ARHGAP15: variants seen among roughly 807,000 people sequenced by gnomAD.
ARHGAP15 encodes rho GTPase-activating protein 15.
In ARHGAP15, 51 loss-of-function variants were observed where a neutral mutation model predicts 63.7. The ratio of observed to expected loss-of-function variants is 0.80; its 90% confidence interval spans 0.64 to 1.01. ARHGAP15 has a LOEUF of 1.01. Ranked by LOEUF, ARHGAP15 falls within the 50% of genes least tolerant of loss-of-function variation. The pLI, the probability that ARHGAP15 is intolerant of heterozygous loss-of-function variation, is 0.00. For synonymous variants in ARHGAP15, 191 were observed against 193.8 expected, an observed-to-expected ratio of 0.99 and a Z score of 0.12; for missense variants, 560 against 564.6, an observed-to-expected ratio of 0.99 and a Z score of 0.08.
At position 143,387,531 on chromosome 2, in the gene ARHGAP15, G is replaced by T. The variant is rs144628323; in HGVS notation, c.475-48070G>T. Reference sequence around the variant, plus strand: ...TACTCTTTTCAATTATTAGTCAACAGATTCACAAAATGAATTGGCATTGTA... The same window carrying T: ...TACTCTTTTCAATTATTAGTCAACATATTCACAAAATGAATTGGCATTGTA... On this transcript the variant is annotated intron_variant, in intron 6 of 13. Coordinates refer to ENST00000295095, the MANE Select transcript of ARHGAP15 (RefSeq NM_018460.4). 8.2e-4 allele frequency among the ~76,000 whole-genome samples: 125 copies of T among 152,276 alleles called. 2 individuals carry two copies. The highest frequency in any genetic ancestry group is 3.1e-3 in the Admixed American group (48 of 15,294).
intron 11 of ARHGAP15, among the ~76,000 whole-genome samples, chr2:143,615,398 A>T (rs16822733): frequency 0.011 from 1,749 of 152,298 alleles, 29 homozygotes; most frequent in African/African-American, 0.039. Flanking sequence ...AACCCTACAC[A>T]TATCACCAAC....
chr2:143,323,000 A>C (rs1409398618), intron 6 of ARHGAP15, among the ~76,000 whole-genome samples: 1 of 152,246 alleles, frequency 6.6e-6, no homozygotes, highest in Non-Finnish European at 1.5e-5. Flanking sequence ...TTGGTGCTGA[A>C]TAGTTAAAAG....
At chr2:143,418,898 C>T (rs1001163054) in intron 6 of ARHGAP15, among the ~76,000 whole-genome samples, 1 of 152,046 alleles carries the variant, frequency 6.6e-6, no homozygotes, top group South Asian at 2.1e-4. Context: ...CTTCTTGTAT[C>T]GAAGATTTGC....
chr2:143,330,124 AAAAAAAACC>A (rs1558897987), intron 6 of ARHGAP15, among the ~76,000 whole-genome samples: 10 of 84,182 alleles, frequency 1.2e-4, no homozygotes, highest in East Asian at 6.3e-4. Flanking sequence ...AAAAAAAAAA[AAAAAAAACC>A]AAAAACAAAA....
At chr2:143,435,424 G>C in intron 6 of ARHGAP15, 177 bp from the exon 7 acceptor site, 1 of 1,230,716 alleles carries the variant, frequency 8.1e-7, no homozygotes, top group East Asian at 3.0e-5. Flanking sequence ...GTGAAAAACA[G>C]TTTATAGAGA....
At chr2:143,147,070 G>A (rs1413774314) in intron 1 of ARHGAP15, among the ~76,000 whole-genome samples, 21 of 152,022 alleles carry the variant, frequency 1.4e-4, no homozygotes, top group Non-Finnish European at 2.5e-4. Flanking sequence ...AAGACTTTGC[G>A]ACTGGGTCAA....
chr2:143,441,194 A>G (rs903501308), intron 8 of ARHGAP15, among the ~76,000 whole-genome samples: 2 of 152,058 alleles, frequency 1.3e-5, no homozygotes, highest in African/African-American at 4.8e-5. Flanking sequence ...AGGGCATATA[A>G]GCTTGCCATC....
intron 12 of ARHGAP15, among the ~76,000 whole-genome samples, chr2:143,687,710 G>A (rs550364891): frequency 1.3e-5 from 2 of 152,104 alleles, no homozygotes; most frequent in East Asian, 3.9e-4. Context: ...TCTTTCTTTT[G>A]GCATAGACCA....
At chr2:143,430,200 A>G (rs1215187792) in intron 6 of ARHGAP15, among the ~76,000 whole-genome samples, 3 of 149,088 alleles carry the variant, frequency 2.0e-5, no homozygotes, top group African/African-American at 7.4e-5. Context: ...TTTTGTAATC[A>G]GCATATATTT....
chr2:143,179,891 C>A (rs1450346075), intron 2 of ARHGAP15, among the ~76,000 whole-genome samples: 211 of 142,658 alleles, frequency 1.5e-3, no homozygotes, highest in Non-Finnish European at 1.5e-3. Context: ...GACATTGTCT[C>A]AAAAAAAAAA....
intron 11 of ARHGAP15, among the ~76,000 whole-genome samples, chr2:143,599,556 T>A (rs1697680472): frequency 6.6e-6 from 1 of 151,558 alleles, no homozygotes. Context: ...GAAAAAAAAA[T>A]TAATGGTAAC....
At chr2:143,160,711 A>G (rs576193814) in intron 2 of ARHGAP15, among the ~76,000 whole-genome samples, 3 of 152,092 alleles carry the variant, frequency 2.0e-5, no homozygotes, top group Middle Eastern at 3.4e-3. Flanking sequence ...TGACTTTTAC[A>G]CAATATGCCC....
chr2:143,343,344 G>A (rs1376707399), intron 6 of ARHGAP15, among the ~76,000 whole-genome samples: 1 of 151,998 alleles, frequency 6.6e-6, no homozygotes, highest in African/African-American at 2.4e-5. Context: ...GAGAATAAAG[G>A]CAACAGGTGT....
At chr2:143,173,496 G>A (rs1690882683) in intron 2 of ARHGAP15, among the ~76,000 whole-genome samples, 1 of 152,034 alleles carries the variant, frequency 6.6e-6, no homozygotes, top group African/African-American at 2.4e-5. Flanking sequence ...ATAGGAAAAT[G>A]TCTGGAAAAT....
At chr2:143,583,988 GA>G (rs1697008281) in intron 11 of ARHGAP15, among the ~76,000 whole-genome samples, 1 of 152,064 alleles carries the variant, frequency 6.6e-6, no homozygotes, top group East Asian at 1.9e-4. Flanking sequence ...TTTTAAAATG[GA>G]AACATTTTAG....
At chr2:143,271,698 G>A (rs999426182) in intron 6 of ARHGAP15, among the ~76,000 whole-genome samples, 1 of 152,072 alleles carries the variant, frequency 6.6e-6, no homozygotes. Flanking sequence ...GGATAGTCTC[G>A]CGCTCCTGAC....
At chr2:143,766,872 C>G (rs1409406744) in intron 13 of ARHGAP15, 1 of 152,158 alleles carries the variant, frequency 6.6e-6, no homozygotes, top group Non-Finnish European at 1.5e-5. Context: ...TACTATAATA[C>G]CAGTCTTTCT....
intron 8 of ARHGAP15, chr2:143,437,492 T>C (rs750964464): frequency 1.3e-5 from 2 of 154,228 alleles, no homozygotes; most frequent in Non-Finnish European, 2.9e-5. Context: ...AAACGTGCTT[T>C]CCAGAGAGGC....
chr2:143,145,198 C>G (rs1558773222), intron 1 of ARHGAP15, among the ~76,000 whole-genome samples: 1 of 152,050 alleles, frequency 6.6e-6, no homozygotes, highest in Non-Finnish European at 1.5e-5. Flanking sequence ...TACAGACAAT[C>G]TTTAATTCTA....
Sources: gnomAD v4.1 joint callset for allele counts (sites outside exome capture counted in the v4.1 genomes callset) on GRCh38, gnomAD v4.1.1 for gene constraint, MANE v1.5 for transcripts, NCBI Gene and HGNC (gene_info 2026-07-23, HGNC 2026-07-21) for gene names.